OTUD7B: variants seen among roughly 807,000 people sequenced by gnomAD.
OTUD7B encodes the protein OTU domain-containing protein 7B.
In OTUD7B, 34 loss-of-function variants were observed where a neutral mutation model predicts 82.2. The ratio of observed to expected loss-of-function variants is 0.41; its 90% CI spans 0.31 to 0.55. The LOEUF (loss-of-function observed/expected upper bound fraction) is 0.55. Ranked by LOEUF, OTUD7B falls within the 20% of genes least tolerant of loss-of-function variation. The pLI is 0.20. For missense variants in OTUD7B, 944 were observed against 1,062.1 expected (o/e 0.89, Z 1.55); for synonymous variants, 398 against 402.7 (o/e 0.99, Z 0.14).
chr1:150,039,194 A>G, the OTUD7B span, among the ~76,000 whole-genome samples: 1 of 152,044 alleles, frequency 6.6e-6, no homozygotes, highest in Non-Finnish European at 1.5e-5. Context: ...AAACTTTTAC[A>G]ATTGTCTGTT....
intron 1 of OTUD7B, among the ~76,000 whole-genome samples, chr1:150,006,414 G>A (rs1295547411): frequency 6.6e-6 from 1 of 152,184 alleles, no homozygotes. Context: ...CTGAGATTGC[G>A]CCACTGTACT....
At chr1:150,000,540 C>G (rs1652210649) in intron 1 of OTUD7B, among the ~76,000 whole-genome samples, 1 of 151,664 alleles carries the variant, frequency 6.6e-6, no homozygotes, top group African/African-American at 2.4e-5. Flanking sequence ...ATGGAGAAAA[C>G]AGGTTTAAAA....
At chr1:149,986,237 TCACACACACACACACA>T (rs34962941) in intron 1 of OTUD7B, among the ~76,000 whole-genome samples, 3 of 136,542 alleles carry the variant, frequency 2.2e-5, no homozygotes, top group African/African-American at 8.5e-5. Flanking sequence ...TGGTACCCCA[TCACACACACACACACA>T]CACACACACA....
chr1:150,024,009 T>C, the OTUD7B span, among the ~76,000 whole-genome samples: 1 of 152,256 alleles, frequency 6.6e-6, no homozygotes, highest in African/African-American at 2.4e-5. Flanking sequence ...GCAGCAGTAC[T>C]ATTACCTTCC....
intron 1 of OTUD7B, among the ~76,000 whole-genome samples, chr1:149,990,795 C>T (rs889154867): frequency 1.2e-4 from 18 of 151,864 alleles, no homozygotes; most frequent in African/African-American, 3.6e-4. Flanking sequence ...CAGGAGTTTG[C>T]GACCAGCCTA....
At chr1:149,994,066 T>C (rs1219239788) in intron 1 of OTUD7B, among the ~76,000 whole-genome samples, 1 of 152,214 alleles carries the variant, frequency 6.6e-6, no homozygotes, top group African/African-American at 2.4e-5. Context: ...TAAACATCCA[T>C]TGTGTTCTGA....
At chr1:150,029,970 C>G in the OTUD7B span, among the ~76,000 whole-genome samples, 1 of 152,154 alleles carries the variant, frequency 6.6e-6, no homozygotes, top group Non-Finnish European at 1.5e-5. Context: ...TCAAACTGTT[C>G]ATGCACTGGT....
At chr1:150,057,742 A>T in the OTUD7B span, among the ~76,000 whole-genome samples, 3 of 152,352 alleles carry the variant, frequency 2.0e-5, no homozygotes, top group African/African-American at 2.4e-5. Context: ...ACTCTAAAAC[A>T]TTATATACAG....
intron 1 of OTUD7B, among the ~76,000 whole-genome samples, chr1:150,003,664 C>T (rs1553785492): frequency 6.6e-6 from 1 of 152,198 alleles, no homozygotes; most frequent in East Asian, 1.9e-4. Flanking sequence ...GTCTCCCTTA[C>T]CTCCATCTCA....
chr1:150,061,511 T>TTCTC, the OTUD7B span, among the ~76,000 whole-genome samples: 1 of 152,228 alleles, frequency 6.6e-6, no homozygotes, highest in Non-Finnish European at 1.5e-5. Context: ...GTTAAGAACA[T>TTCTC]TCTCATACGT....
At chr1:149,954,847 T>G (rs1648541200) in intron 7 of OTUD7B, among the ~76,000 whole-genome samples, 1 of 152,216 alleles carries the variant, frequency 6.6e-6, no homozygotes. Flanking sequence ...TTTACAGTAG[T>G]CTCTGATGGA....
chr1:150,040,017 T>C, the OTUD7B span, among the ~76,000 whole-genome samples: 2,183 of 152,320 alleles, frequency 0.014, 40 homozygotes, highest in African/African-American at 0.05. Context: ...TAGAACACTG[T>C]TGAATAGCAG....
At chr1:149,964,134 T>C in intron 6 of OTUD7B, 88 bp downstream of exon 6, 2 of 1,490,220 alleles carry the variant, frequency 1.3e-6, no homozygotes, top group South Asian at 2.3e-5. Flanking sequence ...CCTAAACACT[T>C]GGAAATATTT....
the OTUD7B span, among the ~76,000 whole-genome samples, chr1:150,044,233 A>C: frequency 6.6e-6 from 1 of 151,520 alleles, no homozygotes; most frequent in Admixed American, 6.6e-5. Flanking sequence ...TTTGAGATGG[A>C]GTCTTGCTCC....
chr1:149,943,682 G>A lies in OTUD7B; in HGVS notation c.*175C>T, dbSNP rs1232540052. 1.0e-5 allele frequency: 7 copies of A among 672,184 alleles called. No homozygotes were observed. The highest frequency in any genetic ancestry group is 3.7e-5 in the South Asian group (2 of 53,570). 41.6% of individuals were successfully genotyped at this position (672,184 alleles called of 1,614,324 possible). ...AGCCCCTGAGGTGCCATCCAGCCCCGACCTGCTCTTGCCAGCCTGGCAGCA... is the reference window on the plus strand; with the variant it reads ...AGCCCCTGAGGTGCCATCCAGCCCCAACCTGCTCTTGCCAGCCTGGCAGCA... On this transcript the variant is annotated 3_prime_UTR_variant, in exon 12 of 12. Transcript: ENST00000581312.
At chr1:150,011,288 T>TA (rs1338738444), upstream of OTUD7B, among the ~76,000 whole-genome samples, 11 of 152,010 alleles carry the variant, frequency 7.2e-5, no homozygotes, top group Non-Finnish European at 1.0e-4. Context: ...CTGCTAACAG[T>TA]AAAAAAAACT....
chr1:149,958,593 C>T (rs587699119), intron 7 of OTUD7B, among the ~76,000 whole-genome samples: 8 of 152,098 alleles, frequency 5.3e-5, no homozygotes, highest in African/African-American at 1.7e-4. Flanking sequence ...GGATTACAGG[C>T]GTGAGCCACT....
the OTUD7B span, among the ~76,000 whole-genome samples, chr1:150,025,586 C>T: frequency 6.6e-6 from 1 of 152,176 alleles, no homozygotes; most frequent in African/African-American, 2.4e-5. Context: ...TACAGACTGA[C>T]TTCTTCCACA....
chr1:149,986,236 A>ATCACACAC (rs1344935634), intron 1 of OTUD7B, among the ~76,000 whole-genome samples: 5 of 131,420 alleles, frequency 3.8e-5, no homozygotes, highest in Admixed American at 3.7e-4. Context: ...ATGGTACCCC[A>ATCACACAC]TCACACACAC....
Sources: gnomAD v4.1 joint callset for allele counts (sites outside exome capture counted in the v4.1 genomes callset) on GRCh38, gnomAD v4.1.1 for gene constraint, MANE v1.5 for transcripts, NCBI Gene and HGNC (gene_info 2026-07-23, HGNC 2026-07-21) for gene names.